PTPRD: variants seen among roughly 807,000 people sequenced by gnomAD.
PTPRD encodes the protein receptor-type tyrosine-protein phosphatase delta.
Under a neutral mutation model 214.5 loss-of-function variants are expected in PTPRD, and 34 were observed. The ratio of observed to expected loss-of-function variants is 0.16; its 90% CI spans 0.12 to 0.21. The LOEUF (loss-of-function observed/expected upper bound fraction) is 0.21, where lower values mean the gene tolerates loss of function less well. PTPRD is among the 10% of genes least tolerant of loss of function. The pLI is 1.00. For missense variants in PTPRD, 2,545 were observed against 2,398.7 expected, an observed-to-expected ratio of 1.06 and a Z score of -1.27; for synonymous variants, 1,128 against 845.7, an observed-to-expected ratio of 1.33 and a Z score of -5.79.
chr9:10,528,795 A>C (rs377165886), intron 2 of PTPRD, among the ~76,000 whole-genome samples: 1 of 152,154 alleles, frequency 6.6e-6, no homozygotes, highest in Non-Finnish European at 1.5e-5. Flanking sequence ...TTACTCCTTT[A>C]TCCATACTAT....
chr9:10,285,679 A>C (rs1357572401), intron 3 of PTPRD, among the ~76,000 whole-genome samples: 1 of 137,344 alleles, frequency 7.3e-6, no homozygotes, highest in Non-Finnish European at 1.5e-5. Flanking sequence ...GGTGCCATCT[A>C]GGCTCACTGC....
intron 7 of PTPRD, among the ~76,000 whole-genome samples, chr9:9,729,880 C>A (rs2098158502): frequency 6.6e-6 from 1 of 151,986 alleles, no homozygotes; most frequent in Non-Finnish European, 1.5e-5. Flanking sequence ...AGCATACTAG[C>A]AGTAATAACA....
intron 37 of PTPRD, among the ~76,000 whole-genome samples, chr9:8,381,714 C>G (rs541640155): frequency 8.6e-4 from 131 of 152,274 alleles, no homozygotes; most frequent in African/African-American, 2.9e-3. Flanking sequence ...AAATTGCCTA[C>G]CAGTTCATTG....
At chr9:10,071,557 GTCTA>G (rs1366798546) in intron 3 of PTPRD, among the ~76,000 whole-genome samples, 7 of 152,124 alleles carry the variant, frequency 4.6e-5, no homozygotes, top group African/African-American at 1.7e-4. Flanking sequence ...AAATGTGTAT[GTCTA>G]TATGCAAAAA....
intron 21 of PTPRD, among the ~76,000 whole-genome samples, chr9:8,509,047 T>C (rs1184346543): frequency 6.6e-6 from 1 of 152,082 alleles, no homozygotes; most frequent in African/African-American, 2.4e-5. Flanking sequence ...GAGAGTCTCA[T>C]TGATTTGATG....
intron 3 of PTPRD, among the ~76,000 whole-genome samples, chr9:10,088,623 T>C (rs2098388467): frequency 6.6e-6 from 1 of 151,754 alleles, no homozygotes; most frequent in Admixed American, 6.6e-5. Flanking sequence ...ACAAAATGTC[T>C]GCAATGTGGG....
chr9:9,450,120 C>CTG (rs368924483), intron 8 of PTPRD, among the ~76,000 whole-genome samples: 256 of 145,034 alleles, frequency 1.8e-3, no homozygotes, highest in East Asian at 9.0e-3. Flanking sequence ...GTGTGTGTGT[C>CTG]TGTGTGTGTG....
At chr9:10,014,873 C>T (rs1215471766) in intron 4 of PTPRD, among the ~76,000 whole-genome samples, 1 of 152,050 alleles carries the variant, frequency 6.6e-6, no homozygotes, top group Non-Finnish European at 1.5e-5. Flanking sequence ...ATTGAAGAGA[C>T]TTACTGCCCC....
chr9:9,186,914 AT>A (rs780116853), intron 9 of PTPRD, among the ~76,000 whole-genome samples: 1 of 151,906 alleles, frequency 6.6e-6, no homozygotes, highest in East Asian at 1.9e-4. Flanking sequence ...GCTTAGAATA[AT>A]TTTTTTATAT....
At chr9:8,947,876 C>T (rs2099075498) in intron 11 of PTPRD, among the ~76,000 whole-genome samples, 1 of 152,042 alleles carries the variant, frequency 6.6e-6, no homozygotes, top group Non-Finnish European at 1.5e-5. Flanking sequence ...TAAGTATTCT[C>T]CTTTTATTGG....
At chr9:8,655,880 G>A (rs1194948416) in intron 12 of PTPRD, among the ~76,000 whole-genome samples, 3 of 151,796 alleles carry the variant, frequency 2.0e-5, no homozygotes, top group Non-Finnish European at 2.9e-5. Flanking sequence ...TCCAAGAAAC[G>A]TGCAGTTGCA....
chr9:9,688,430 A>G (rs1222156627), intron 7 of PTPRD, among the ~76,000 whole-genome samples: 1 of 151,786 alleles, frequency 6.6e-6, no homozygotes, highest in African/African-American at 2.4e-5. Context: ...TTAGGCCCCA[A>G]TATGTATTTG....
intron 8 of PTPRD, among the ~76,000 whole-genome samples, chr9:9,405,400 A>G (rs1224017604): frequency 6.6e-6 from 1 of 152,076 alleles, no homozygotes; most frequent in Non-Finnish European, 1.5e-5. Context: ...ATGTCCATCT[A>G]ACTCCGGTAG....
chr9:9,278,690 T>C (rs893663419), intron 9 of PTPRD, among the ~76,000 whole-genome samples: 3 of 151,376 alleles, frequency 2.0e-5, no homozygotes, highest in Admixed American at 6.6e-5. Flanking sequence ...CCAGACATTT[T>C]AGTGTCAGTC....
intron 39 of PTPRD, among the ~76,000 whole-genome samples, chr9:8,344,857 G>C (rs1406058419): frequency 1.3e-5 from 2 of 150,976 alleles, no homozygotes; most frequent in Admixed American, 6.7e-5. Context: ...TAATTTTCTA[G>C]TGAGTCTAAT....
At chr9:8,773,102 G>A (rs760630366) in intron 11 of PTPRD, among the ~76,000 whole-genome samples, 25 of 152,070 alleles carry the variant, frequency 1.6e-4, no homozygotes, top group Non-Finnish European at 3.1e-4. Flanking sequence ...GGTGGGAGCA[G>A]GCAATATTCC....
intron 3 of PTPRD, among the ~76,000 whole-genome samples, chr9:10,324,054 T>C (rs1384644638): frequency 6.6e-6 from 1 of 152,118 alleles, no homozygotes. Flanking sequence ...GGTTGCTATA[T>C]TGATTCATGT....
intron 12 of PTPRD, among the ~76,000 whole-genome samples, chr9:8,674,388 G>A (rs1286753748): frequency 6.7e-6 from 1 of 149,824 alleles, no homozygotes; most frequent in Non-Finnish European, 1.5e-5. Flanking sequence ...AACCCAGGAG[G>A]CGGAGGTTGC....
chr9:9,053,939 A>G (rs2099691431), intron 10 of PTPRD, among the ~76,000 whole-genome samples: 1 of 152,180 alleles, frequency 6.6e-6, no homozygotes, highest in Non-Finnish European at 1.5e-5. Context: ...TCTTTTGTTA[A>G]TTTTCCTATT....
Sources: gnomAD v4.1 joint callset for allele counts (sites outside exome capture counted in the v4.1 genomes callset) on GRCh38, gnomAD v4.1.1 for gene constraint, MANE v1.5 for transcripts, NCBI Gene and HGNC (gene_info 2026-07-23, HGNC 2026-07-21) for gene names.